Variants in SCN1A observed in about 807,000 individuals in gnomAD.
SCN1A encodes the protein sodium voltage-gated channel alpha subunit 1.
In SCN1A, 13 loss-of-function variants were observed where a neutral mutation model predicts 193.7. That is an observed-to-expected ratio of 0.07 (90% CI 0.04 to 0.11). The LOEUF (loss-of-function observed/expected upper bound fraction) is 0.11. Among genes scored for constraint, SCN1A ranks in the 10% least tolerant of loss-of-function variants. The pLI, the probability that SCN1A is intolerant of heterozygous loss-of-function variation, is 1.00. For synonymous variants in SCN1A, 781 were observed against 843.6 expected (o/e 0.93, Z 1.29); for missense variants, 1,432 against 2,451.1 (o/e 0.58, Z 8.78).
Position 165,992,040 on chromosome 2 carries a change from T to G in SCN1A, c.5235A>C (p.Lys1745Asn). Residue 1745 changes from lysine (K) to asparagine (N), a missense_variant, in exon 29 of 29, where the codon AAA becomes AAC. Around this residue, in one of 18 missense-constraint regions of SCN1A, gnomAD observed 85 missense variants for 213.2 expected, o/e 0.40. Transcript: ENST00000674923. This position sits in a 1 kb window ranked among gnomAD's most constrained non-coding sequence, Gnocchi z 6.5. ...CCTTAACTGAGCTTCCAGGGTTAAC[T>G]TTATTAGGGTCACAGTCGGGTGGCT... ...NSKPPDCDPN[K>N]VNPGSSVKGD... 1 of 1,613,940 alleles carries G rather than the reference T, an allele frequency of 6.2e-7. No individual in the cohort carries two copies. The highest frequency in any genetic ancestry group is 1.3e-5 in the African/African-American group (1 of 75,006).
At chr2:166,040,210 G>A (rs1008898198) in intron 16 of SCN1A, among the ~76,000 whole-genome samples, 3 of 152,086 alleles carry the variant, frequency 2.0e-5, no homozygotes, top group Admixed American at 2.0e-4. Context: ...GAGCCACTGC[G>A]CCCAGCCCAA....
In SCN1A at chr2:166,041,379, T is replaced by C; in HGVS notation, c.2267A>G (p.Lys756Arg). Reference sequence around the variant, plus strand: ...AACCAGGTTGACAACATGTTTCACTTTTAACCAATATGGAGAACAGTCCCA... The same window carrying C: ...AACCAGGTTGACAACATGTTTCACTCTTAACCAATATGGAGAACAGTCCCA... Reference protein sequence around the residue: ...LIWDCSPYWLKVKHVVNLVVM... With the variant: ...LIWDCSPYWLRVKHVVNLVVM... The change falls in exon 16 of 29, where the codon AAA becomes AGA. Residue 756 changes from lysine to arginine, a missense_variant. Coordinates refer to ENST00000674923, the MANE Select transcript of SCN1A (RefSeq NM_001165963.4). 5 of 1,613,936 alleles carry C rather than the reference T, an allele frequency of 3.1e-6. No homozygotes were observed. Among genetic ancestry groups the C allele is most frequent in the Non-Finnish European group, 4.2e-6 (5 of 1,179,908 alleles).
chr2:166,122,241 A>T (rs1690684097), intron 2 of SCN1A, among the ~76,000 whole-genome samples: 1 of 152,232 alleles, frequency 6.6e-6, no homozygotes, highest in Non-Finnish European at 1.5e-5. Flanking sequence ...TACTAGCAAC[A>T]TATATTACAA....
chr2:166,125,383 C>A (rs1691121693), intron 2 of SCN1A, among the ~76,000 whole-genome samples: 3 of 152,170 alleles, frequency 2.0e-5, no homozygotes, highest in Non-Finnish European at 4.4e-5. Context: ...AGGGAGAAAG[C>A]AATACCTTTC....
chr2:166,055,235 G>A, intron 6 of SCN1A, among the ~76,000 whole-genome samples: 1 of 151,354 alleles, frequency 6.6e-6, no homozygotes. Context: ...TTGGAACAAG[G>A]ACTTCTTTAA....
chr2:166,081,652 A>G (rs1162797028), intron 2 of SCN1A: 1 of 151,762 alleles, frequency 6.6e-6, no homozygotes, highest in African/African-American at 2.4e-5. Context: ...GCCATTGTGT[A>G]TTTATGCAAG....
At chr2:166,019,222 T>C (rs1255945412) in intron 19 of SCN1A, among the ~76,000 whole-genome samples, 3 of 152,216 alleles carry the variant, frequency 2.0e-5, no homozygotes, top group Admixed American at 2.0e-4. Context: ...TTTAAGGTGA[T>C]TTAAAAGATG....
chr2:166,024,599 TAGG>T (rs1330095233), intron 19 of SCN1A, among the ~76,000 whole-genome samples: 2 of 152,218 alleles, frequency 1.3e-5, no homozygotes, highest in African/African-American at 4.8e-5. Flanking sequence ...TGATAACAAT[TAGG>T]AGTAATATTT....
At chr2:166,129,224 G>A (rs1691534452), upstream of SCN1A, among the ~76,000 whole-genome samples, 1 of 152,098 alleles carries the variant, frequency 6.6e-6, no homozygotes. Context: ...CACATAGCTT[G>A]CAAAGCAATA....
At position 166,051,676 on chromosome 2, in the gene SCN1A, C is replaced by T. The variant is rs750619447; in HGVS notation, c.964+43G>A. ...TTTATCCTTTGTGTTACAAACAATC[C>T]AATTCTACTTTTTAAGGAAATGTAC... On this transcript the variant is annotated intron_variant, in intron 9 of 28. Coordinates refer to ENST00000674923, the MANE Select transcript of SCN1A (RefSeq NM_001165963.4). 8.9e-6 allele frequency: 13 copies of T among 1,466,522 alleles called. No individual in the cohort carries two copies. In the South Asian group the frequency reaches 1.2e-4, roughly 14 times the overall value. The allele number at this position is 1,466,522 out of a possible 1,614,324, so 90.8% of individuals were successfully genotyped here. A position where few individuals can be genotyped will look rare whatever the true frequency, so the allele number is the denominator to read the frequency against.
At chr2:166,105,015 T>C (rs1338966544) in intron 2 of SCN1A, among the ~76,000 whole-genome samples, 2 of 152,196 alleles carry the variant, frequency 1.3e-5, no homozygotes, top group African/African-American at 4.8e-5. Context: ...ATAACCTCAG[T>C]GAAGTCCTAG....
chr2:166,001,875 CTCTCT>C (rs1286442579), intron 24 of SCN1A, among the ~76,000 whole-genome samples: 2 of 120,576 alleles, frequency 1.7e-5, no homozygotes, highest in African/African-American at 3.0e-5. Context: ...GTATAATTCT[CTCTCT>C]TTTTTTTTTT....
At position 166,073,431 on chromosome 2, in the gene SCN1A, A is replaced by G; in HGVS notation, c.191T>C (p.Ile64Thr). ...CATCTCTGGAGGAATGTCTCCATAA[A>G]TAAATGGAAGGTTCTTTCCAGCTTC... is the stretch of plus-strand genomic sequence containing the variant. ...DLEAGKNLPF[I>T]YGDIPPEMVS... The change falls in exon 4 of 29, where the codon ATT becomes ACT. Residue 64 changes from isoleucine (I) to threonine (T), a missense_variant. By Grantham distance (89) the Ile-to-Thr change is moderately conservative. Transcript: ENST00000674923. 6.2e-7 allele frequency: 1 copy of G among 1,614,194 alleles called. No individual in the cohort carries two copies. Among genetic ancestry groups the G allele is most frequent in the Non-Finnish European group, 8.5e-7 (1 of 1,180,022 alleles).
At chr2:166,055,791 C>G (rs989343885) in intron 6 of SCN1A, among the ~76,000 whole-genome samples, 7 of 151,864 alleles carry the variant, frequency 4.6e-5, no homozygotes, top group African/African-American at 7.3e-5. Flanking sequence ...GAAGGTATCC[C>G]CAGAACAGAG....
At chr2:166,038,875 T>C (rs1574188606) in intron 17 of SCN1A, among the ~76,000 whole-genome samples, 1 of 152,194 alleles carries the variant, frequency 6.6e-6, no homozygotes. Context: ...TCCACCTGCA[T>C]TGAAAAACTT....
In SCN1A at chr2:166,041,224, T is replaced by G; in HGVS notation, c.2415+7A>C. On this transcript the variant is annotated splice_region_variant and intron_variant, in intron 16 of 28. Transcript: ENST00000674923. ...GACTAAACACATTTACCTTCCAATA[T>G]GCTTACCAAGTTTCCTACTGTAAGC... is the stretch of plus-strand genomic sequence containing the variant. The G allele has an allele frequency of 6.3e-7, 1 of 1,585,780 alleles. No individual in the cohort carries two copies. The highest frequency in any genetic ancestry group is 8.7e-7 in the Non-Finnish European group (1 of 1,154,514).
intron 3 of SCN1A, 156 bp from the exon 4 acceptor site, chr2:166,073,826 T>A (rs1684731686): frequency 1.6e-6 from 1 of 606,242 alleles, no homozygotes; most frequent in African/African-American, 1.9e-5. Context: ...CACAAATGGT[T>A]TCTGTGTTGA....
At chr2:166,014,369 T>A (rs1457909823) in intron 20 of SCN1A, among the ~76,000 whole-genome samples, 1 of 151,742 alleles carries the variant, frequency 6.6e-6, no homozygotes, top group East Asian at 1.9e-4. Context: ...CTAGAAGGGC[T>A]TATGTAATTT....
At chr2:166,067,339 G>A (rs1683946999) in intron 4 of SCN1A, among the ~76,000 whole-genome samples, 1 of 152,268 alleles carries the variant, frequency 6.6e-6, no homozygotes, top group South Asian at 2.1e-4. Context: ...AAATGGCCAA[G>A]TGTTGAAATG....
Sources: allele counts gnomAD v4.1 joint callset (sites outside exome capture counted in the v4.1 genomes callset), GRCh38; gene constraint gnomAD v4.1.1; regional missense constraint gnomAD v4.1.1; non-coding constraint Gnocchi (gnomAD v3.1); transcripts MANE v1.5; gene names NCBI Gene and HGNC (gene_info 2026-07-23, HGNC 2026-07-21).